Variants in EDARADD observed in about 807,000 individuals in gnomAD.
The protein encoded by EDARADD is EDAR associated via death domain.
Under a neutral mutation model 25.6 loss-of-function variants are expected in EDARADD, and 20 were observed. That is an observed-to-expected ratio of 0.78 (90% CI 0.55 to 1.14). The LOEUF is 1.14. Among genes scored for constraint, EDARADD ranks in the 50% most tolerant of loss-of-function variants. The pLI is 0.00. For missense variants in EDARADD, 225 were observed against 270.1 expected, an observed-to-expected ratio of 0.83 and a Z score of 1.17; for synonymous variants, 86 against 94.4, an observed-to-expected ratio of 0.91 and a Z score of 0.52.
At chr1:236,451,306 T>G (rs1658706140) in intron 4 of EDARADD, among the ~76,000 whole-genome samples, 3 of 152,218 alleles carry the variant, frequency 2.0e-5, no homozygotes, top group Admixed American at 2.0e-4. Context: ...ATGGACATCT[T>G]AATACTGATC....
chr1:236,438,480 G>A (rs995851469), intron 4 of EDARADD, among the ~76,000 whole-genome samples: 4 of 152,146 alleles, frequency 2.6e-5, no homozygotes, highest in Admixed American at 6.6e-5. Flanking sequence ...TGTGGTGGGT[G>A]CCACTGTTGA....
intron 4 of EDARADD, among the ~76,000 whole-genome samples, chr1:236,466,751 TTAAG>T (rs1202475571): frequency 6.6e-6 from 1 of 151,984 alleles, no homozygotes; most frequent in Non-Finnish European, 1.5e-5. Flanking sequence ...TCTGAGAAGA[TTAAG>T]AGAGAAAGAT....
At chr1:236,384,847 A>T (rs2102996855) in intron 3 of EDARADD, among the ~76,000 whole-genome samples, 1 of 152,150 alleles carries the variant, frequency 6.6e-6, no homozygotes, top group South Asian at 2.1e-4. Context: ...TTTCTTCTAG[A>T]AATTTTCTGT....
At chr1:236,361,094 G>A (rs902283067) in intron 3 of EDARADD, among the ~76,000 whole-genome samples, 14 of 152,050 alleles carry the variant, frequency 9.2e-5, no homozygotes, top group African/African-American at 3.4e-4. Flanking sequence ...ACACAACAAA[G>A]TGCACATATC....
chr1:236,443,712 C>T (rs1389891956), intron 4 of EDARADD, among the ~76,000 whole-genome samples: 5 of 152,232 alleles, frequency 3.3e-5, no homozygotes, highest in East Asian at 1.9e-4. Flanking sequence ...ATGCTGTGAA[C>T]GTTGTTGAAA....
chr1:236,419,872 C>T (rs768921084), intron 3 of EDARADD, among the ~76,000 whole-genome samples: 4 of 152,266 alleles, frequency 2.6e-5, no homozygotes, highest in Admixed American at 1.3e-4. Context: ...AGCAGCTCAG[C>T]GCATAATAGG....
chr1:236,467,131 A>G (rs1490876538), intron 4 of EDARADD, among the ~76,000 whole-genome samples: 2 of 151,998 alleles, frequency 1.3e-5, no homozygotes, highest in African/African-American at 2.4e-5. Flanking sequence ...ACATCTTTAC[A>G]GGTGAGACTC....
At chr1:236,373,711 T>C (rs79192936) in intron 3 of EDARADD, among the ~76,000 whole-genome samples, 4,517 of 152,220 alleles carry the variant, frequency 0.03, 230 homozygotes, top group African/African-American at 0.1. Context: ...TTGGATTTAA[T>C]TTGTTCTCCT....
chr1:236,352,770 C>T (rs1666931872), intron 3 of EDARADD, among the ~76,000 whole-genome samples: 1 of 152,070 alleles, frequency 6.6e-6, no homozygotes, highest in Non-Finnish European at 1.5e-5. Flanking sequence ...ATCGCTTGAA[C>T]CTGGAAGGTG....
intron 4 of EDARADD, among the ~76,000 whole-genome samples, chr1:236,455,502 C>T (rs79303020): frequency 3.2e-4 from 48 of 152,320 alleles, no homozygotes; most frequent in Middle Eastern, 3.4e-3. Flanking sequence ...AAAATCAGAT[C>T]GTTCTGGTTT....
intron 4 of EDARADD, among the ~76,000 whole-genome samples, chr1:236,458,970 A>G (rs1658961564): frequency 6.6e-6 from 1 of 152,210 alleles, no homozygotes; most frequent in Non-Finnish European, 1.5e-5. Flanking sequence ...AGAAAAAATA[A>G]TAGAGTAAAT....
chr1:236,421,147 G>A (rs1337944575), intron 3 of EDARADD, among the ~76,000 whole-genome samples: 1 of 147,300 alleles, frequency 6.8e-6, no homozygotes, highest in African/African-American at 2.5e-5. Flanking sequence ...AGATGAGATC[G>A]ACAGGAATTT....
At chr1:236,482,198 G>A in intron 5 of EDARADD, 69 bp from the exon 6 acceptor site, 3 of 1,563,358 alleles carry the variant, frequency 1.9e-6, no homozygotes, top group Non-Finnish European at 2.6e-6. Context: ...GGAAAATAAA[G>A]GATGTAAGAA....
intron 3 of EDARADD, among the ~76,000 whole-genome samples, chr1:236,423,119 T>G (rs2103014422): frequency 6.6e-6 from 1 of 152,224 alleles, no homozygotes; most frequent in Non-Finnish European, 1.5e-5. Context: ...TCTCTGGGGG[T>G]CCTAGTGGGA....
intron 3 of EDARADD, among the ~76,000 whole-genome samples, chr1:236,366,731 T>C (rs1572111100): frequency 1.4e-5 from 2 of 144,478 alleles, no homozygotes; most frequent in African/African-American, 5.4e-5. Flanking sequence ...GTCAGAGAGC[T>C]CATCTCTCTC....
intron 4 of EDARADD, among the ~76,000 whole-genome samples, chr1:236,446,421 G>A (rs767596530): frequency 3.6e-4 from 55 of 152,208 alleles, no homozygotes; most frequent in Non-Finnish European, 6.8e-4. Context: ...GGATGGTGGC[G>A]CACACCTGTA....
chr1:236,387,195 G>T (rs1163457313), intron 3 of EDARADD, among the ~76,000 whole-genome samples: 4 of 23,552 alleles, frequency 1.7e-4, no homozygotes, highest in Admixed American at 3.4e-4. Context: ...GGAGGGAGGT[G>T]GGGGGGGTCA....
intron 2 of EDARADD, 68 bp from the exon 3 acceptor site, chr1:236,414,192 A>C (rs1420120655): frequency 7.2e-7 from 1 of 1,383,176 alleles, no homozygotes; most frequent in Non-Finnish European, 1.0e-6. Flanking sequence ...CCCAAGACAA[A>C]GCTTTCTTTT....
chr1:236,466,146 T>TC (rs943231601), intron 4 of EDARADD, among the ~76,000 whole-genome samples: 1 of 152,180 alleles, frequency 6.6e-6, no homozygotes, highest in Non-Finnish European at 1.5e-5. Context: ...TTCTGTTTCC[T>TC]CAGCCCAGGT....
Sources: allele counts gnomAD v4.1 joint callset (sites outside exome capture counted in the v4.1 genomes callset), GRCh38; gene constraint gnomAD v4.1.1; transcripts MANE v1.5; gene names NCBI Gene and HGNC (gene_info 2026-07-23, HGNC 2026-07-21).